JADE1: variants seen among roughly 807,000 people sequenced by gnomAD.
JADE1 encodes protein Jade-1.
In JADE1, 14 loss-of-function variants were observed where a neutral mutation model predicts 81.8. That is an observed-to-expected ratio of 0.17 (90% CI 0.11 to 0.27). The LOEUF is 0.27. JADE1 is among the 10% of genes least tolerant of loss of function. The pLI is 1.00. For missense variants in JADE1, 690 were observed against 1,047.9 expected, an observed-to-expected ratio of 0.66 and a Z score of 4.71; for synonymous variants, 353 against 391.9, an observed-to-expected ratio of 0.90 and a Z score of 1.17.
chr4:128,835,243 A>G (rs1728888798), intron 2 of JADE1, among the ~76,000 whole-genome samples: 1 of 152,256 alleles, frequency 6.6e-6, no homozygotes, highest in African/African-American at 2.4e-5. Flanking sequence ...CAGCTGGTTC[A>G]ATATAAAGTA....
intron 3 of JADE1, 88 bp downstream of exon 3, chr4:128,843,126 C>A: frequency 3.0e-6 from 3 of 987,338 alleles, no homozygotes; most frequent in Non-Finnish European, 4.6e-6. Context: ...CAGTCCTGGG[C>A]AAATTATTCA....
chr4:128,824,872 T>G (rs1727904376), intron 1 of JADE1, among the ~76,000 whole-genome samples: 1 of 152,204 alleles, frequency 6.6e-6, no homozygotes. Flanking sequence ...ATCACTAGGT[T>G]GTAATCCTTA....
intron 2 of JADE1, among the ~76,000 whole-genome samples, chr4:128,836,701 G>T (rs1729010508): frequency 6.8e-6 from 1 of 147,548 alleles, no homozygotes; most frequent in South Asian, 2.1e-4. Context: ...ATATATTATT[G>T]TTTATCTCAG....
In JADE1 at chr4:128,872,091, C is replaced by T; in HGVS notation, c.2358C>T (p.Ala786=). The change falls in exon 11 of 11, where the codon GCC becomes GCT. Residue 786 remains alanine, a synonymous_variant. Coordinates refer to ENST00000226319, the MANE Select transcript of JADE1 (RefSeq NM_199320.4). ...ATTTGGGCTTAGGCCGAGTTCCAGC[C>T]AAGGAAAGGGCAAAAAGCAAATTAA... ...YPYLGLGRVP[A]KERAKSKLKS... The T allele has an allele frequency of 6.2e-7, 1 of 1,614,044 alleles. No homozygotes were observed. Among genetic ancestry groups the T allele is most frequent in the African/African-American group, 1.3e-5 (1 of 75,020 alleles).
intron 7 of JADE1, 112 bp downstream of exon 7, chr4:128,855,909 T>C: frequency 1.1e-6 from 1 of 889,080 alleles, no homozygotes; most frequent in Non-Finnish European, 1.6e-6. Flanking sequence ...AGCCTTGACC[T>C]GCTGGGCTCA....
intron 10 of JADE1, among the ~76,000 whole-genome samples, chr4:128,870,802 T>G (rs1411181054): frequency 3.9e-5 from 6 of 152,256 alleles, no homozygotes; most frequent in African/African-American, 1.4e-4. Flanking sequence ...GAACGCTTAC[T>G]ATGTGTCAAG....
At chr4:128,827,683 A>T (rs551179255) in intron 1 of JADE1, among the ~76,000 whole-genome samples, 15 of 152,182 alleles carry the variant, frequency 9.9e-5, no homozygotes, top group African/African-American at 3.4e-4. Context: ...GGGTGTAGTT[A>T]ATTTGTTGTT....
intron 9 of JADE1, chr4:128,864,235 C>A: frequency 1.7e-6 from 1 of 589,136 alleles, no homozygotes; most frequent in Non-Finnish European, 2.1e-6. Flanking sequence ...GCAGCCTCCG[C>A]CTCCCGGGTT....
At chr4:128,827,477 CAG>C (rs991298345) in intron 1 of JADE1, among the ~76,000 whole-genome samples, 25 of 152,278 alleles carry the variant, frequency 1.6e-4, no homozygotes, top group African/African-American at 5.8e-4. Context: ...TGAAAGTAAG[CAG>C]AGTGTTCAGG....
Position 128,871,499 on chromosome 4 carries a change from A to G in JADE1, c.1766A>G (p.His589Arg). ...AAACAAATGGGTACTTCCTTGGTTC[A>G]TTCGCTGAAAAAGCCCCATAAGCGA... ...FRKQMGTSLVHSLKKPHKRDP... is the reference protein window; with the variant it reads ...FRKQMGTSLVRSLKKPHKRDP... The change falls in exon 11 of 11, where the codon CAT becomes CGT. Residue 589 changes from histidine (H) to arginine (R), a missense_variant. Coordinates refer to ENST00000226319, the MANE Select transcript of JADE1 (RefSeq NM_199320.4). The surrounding 1 kb of genome is among the most constrained non-coding windows in gnomAD (Gnocchi z 4.1). The G allele has an allele frequency of 6.2e-7, 1 of 1,614,180 alleles. No individual in the cohort carries two copies. Among genetic ancestry groups the G allele is most frequent in the African/African-American group, 1.3e-5 (1 of 75,034 alleles).
intron 7 of JADE1, among the ~76,000 whole-genome samples, chr4:128,856,410 C>T: frequency 6.6e-6 from 1 of 152,164 alleles, no homozygotes; most frequent in South Asian, 2.1e-4. Context: ...GACTCTCACT[C>T]TCAGGAGCAG....
intron 7 of JADE1, 60 bp from the exon 8 acceptor site, chr4:128,857,278 C>A: frequency 8.1e-7 from 1 of 1,238,416 alleles, no homozygotes; most frequent in Non-Finnish European, 1.2e-6. Flanking sequence ...TAGTTTCTGA[C>A]ATTCATGTTC....
chr4:128,839,271 A>G (rs563991579), intron 2 of JADE1, among the ~76,000 whole-genome samples: 1 of 152,354 alleles, frequency 6.6e-6, no homozygotes, highest in South Asian at 2.1e-4. Flanking sequence ...CTGCTCCTGG[A>G]GATGGAAGGC....
At chr4:128,870,428 C>G (rs1389072373) in intron 10 of JADE1, among the ~76,000 whole-genome samples, 1 of 152,084 alleles carries the variant, frequency 6.6e-6, no homozygotes, top group Non-Finnish European at 1.5e-5. Flanking sequence ...ATGAGAACTG[C>G]TCTTTCTAGA....
In JADE1 at chr4:128,861,862, G is replaced by C. The variant is rs1260007076; in HGVS notation, c.1140G>C (p.Lys380Asn). ...SHRKPEESLGKGAAQENGAPE... is the reference protein window; with the variant it reads ...SHRKPEESLGNGAAQENGAPE... ...GGAAACCCGAGGAGAGTCTTGGCAA[G>C]GGGGCTGCACAGGAGAATGGGGCCC... Residue 380 changes from lysine to asparagine, a missense_variant, in exon 9 of 11, where the codon AAG becomes AAC. Coordinates refer to ENST00000226319, the MANE Select transcript of JADE1 (RefSeq NM_199320.4). 3 of 1,614,060 alleles carry C rather than the reference G, an allele frequency of 1.9e-6. No individual in the cohort carries two copies.
At chr4:128,830,468 A>G (rs1489354448) in intron 1 of JADE1, among the ~76,000 whole-genome samples, 1 of 152,040 alleles carries the variant, frequency 6.6e-6, no homozygotes, top group East Asian at 1.9e-4. Flanking sequence ...TCCTGACCTC[A>G]AGTGATCCTC....
At chr4:128,817,230 T>G (rs1372279544) in intron 1 of JADE1, among the ~76,000 whole-genome samples, 2 of 152,094 alleles carry the variant, frequency 1.3e-5, no homozygotes, top group Non-Finnish European at 2.9e-5. Flanking sequence ...GAGATGAGGT[T>G]TCACTATGTT....
At chr4:128,811,767 T>C (rs1726417009) in intron 1 of JADE1, 1 of 148,790 alleles carries the variant, frequency 6.7e-6, no homozygotes, top group African/African-American at 2.5e-5. Flanking sequence ...CCGCGCCGGT[T>C]CCGGCGGGCG....
intron 1 of JADE1, among the ~76,000 whole-genome samples, chr4:128,815,204 C>T (rs1029558035): frequency 7.4e-4 from 38 of 51,484 alleles, no homozygotes; most frequent in Non-Finnish European, 1.6e-3. Context: ...GGGTTCACGC[C>T]ATTCTCCTGC....
Sources: gnomAD v4.1 joint callset for allele counts (sites outside exome capture counted in the v4.1 genomes callset) on GRCh38, gnomAD v4.1.1 for gene constraint, Gnocchi (gnomAD v3.1) non-coding constraint, MANE v1.5 for transcripts, NCBI Gene and HGNC (gene_info 2026-07-23, HGNC 2026-07-21) for gene names.